The following TARBP1 variants were observed in gnomAD, a reference collection of about 807,000 sequenced individuals.
TARBP1 encodes the protein tRNA guanosine 2 -O-methyltransferase TARBP1, also known as tRNA (guanosine(18)-2'-O)-methyltransferase TARBP1.
Under a neutral mutation model 178.6 loss-of-function variants are expected in TARBP1, and 144 were observed. The observed-to-expected ratio is 0.81, with a 90% CI of 0.70 to 0.93. TARBP1 has a LOEUF of 0.93. Among genes scored for constraint, TARBP1 ranks in the 40% least tolerant of loss-of-function variants. TARBP1 has a pLI of 0.00. For synonymous variants in TARBP1, 787 were observed against 781.0 expected, an observed-to-expected ratio of 1.01 and a Z score of -0.13; for missense variants, 2,067 against 2,011.7, an observed-to-expected ratio of 1.03 and a Z score of -0.53.
At chr1:234,459,433 A>G in intron 7 of TARBP1, 107 bp from the exon 8 acceptor site, 1 of 795,642 alleles carries the variant, frequency 1.3e-6, no homozygotes, top group Non-Finnish European at 2.0e-6. Context: ...CTAATGCAGA[A>G]AGTCTGCAGA....
intron 3 of TARBP1, 39 bp from the exon 4 acceptor site, chr1:234,467,689 T>C (rs1668590181): frequency 6.6e-7 from 1 of 1,524,874 alleles, no homozygotes; most frequent in Non-Finnish European, 8.8e-7. Context: ...TCTGATTCTG[T>C]CTTCATTTCA....
chr1:234,413,088 T>A (rs1001921106), intron 22 of TARBP1, among the ~76,000 whole-genome samples: 4 of 152,108 alleles, frequency 2.6e-5, no homozygotes, highest in African/African-American at 9.7e-5. Context: ...GTGGGAGCGA[T>A]GCCTAGCCAC....
In TARBP1 at chr1:234,478,179, C is replaced by T; in HGVS notation, c.925G>A (p.Gly309Arg). 2 of 1,611,842 alleles carry T rather than the reference C, an allele frequency of 1.2e-6. No individual in the cohort carries two copies. The highest frequency in any genetic ancestry group is 1.7e-6 in the Non-Finnish European group (2 of 1,179,494). The change falls in exon 1 of 30, where the codon GGA (glycine) becomes AGA (arginine). Residue 309 changes from glycine to arginine, a missense_variant. Physicochemically the swap from Gly to Arg is moderately radical, Grantham distance 125. Coordinates refer to ENST00000040877, the MANE Select transcript of TARBP1 (RefSeq NM_005646.4). ...GADCTCGPQE[G>R]NGPSLFWWSE... ...GGGGCAAAGAGGCAGGTACCGTTTC[C>T]TTCCTGGGGCCCGCAGGTGCAGTCG...
At chr1:234,446,731 A>C in intron 12 of TARBP1, 72 bp downstream of exon 12, 1 of 1,238,686 alleles carries the variant, frequency 8.1e-7, no homozygotes, top group African/African-American at 1.6e-5. Context: ...AAAAGACGGA[A>C]GTTTCCTCTC....
At chr1:234,474,819 A>C (rs1040177134) in intron 1 of TARBP1, among the ~76,000 whole-genome samples, 7 of 152,198 alleles carry the variant, frequency 4.6e-5, no homozygotes, top group African/African-American at 1.7e-4. Context: ...ACCATAGGAG[A>C]TCGTTATTGT....
intron 22 of TARBP1, 96 bp downstream of exon 22, chr1:234,417,987 TG>T (rs1482224647): frequency 6.7e-6 from 5 of 741,694 alleles, no homozygotes; most frequent in Non-Finnish European, 9.9e-6. Flanking sequence ...ATAGGGCAAC[TG>T]AGAGTCAAAA....
chr1:234,406,019 T>C lies in TARBP1; in HGVS notation c.3873A>G (p.Leu1291=). 1 of 1,614,180 alleles carries C rather than the reference T, an allele frequency of 6.2e-7. No homozygotes were observed. Among genetic ancestry groups the C allele is most frequent in the Non-Finnish European group, 8.5e-7 (1 of 1,180,018 alleles). Reference sequence around the variant, plus strand: ...CAGTCCAGAGTTTCTTAAGAGCAACTAAAGCATACAGTCGAACACTAAAAT... The same window carrying C: ...CAGTCCAGAGTTTCTTAAGAGCAACCAAAGCATACAGTCGAACACTAAAAT... ...NHNFSVRLYA[L]VALKKLWTVC... The change falls in exon 24 of 30, where the codon TTA becomes TTG. Residue 1291 remains leucine (L), a synonymous_variant. Coordinates refer to ENST00000040877, the MANE Select transcript of TARBP1 (RefSeq NM_005646.4).
intron 2 of TARBP1, among the ~76,000 whole-genome samples, chr1:234,472,120 T>A (rs144945016): frequency 6.6e-6 from 1 of 152,098 alleles, no homozygotes; most frequent in Non-Finnish European, 1.5e-5. Flanking sequence ...GTGGATTACT[T>A]GAGGTCAGGA....
chr1:234,403,115 C>T (rs756429743), intron 24 of TARBP1, among the ~76,000 whole-genome samples: 1 of 152,134 alleles, frequency 6.6e-6, no homozygotes, highest in African/African-American at 2.4e-5. Flanking sequence ...AACTGGATGA[C>T]GTCATTCTCA....
At position 234,420,628 on chromosome 1, in the gene TARBP1, T is replaced by C. The variant is rs1021436075; in HGVS notation, c.3555+74A>G. The stretch of plus-strand genomic sequence containing the variant: ...TCTTTTTCAATTTTAAAATAGTATA[T>C]GATAGTTTCTGCAAAATAGTTCAGT... On this transcript the variant is annotated intron_variant, in intron 21 of 29. Transcript: ENST00000040877. 101 of 911,600 alleles carry C rather than the reference T, an allele frequency of 1.1e-4. 2 individuals are homozygous for C. The South Asian group carries it at 1.7e-3, about 15-fold the overall frequency. The allele number at this position is 911,600 out of a possible 1,614,324, so 56.5% of individuals were successfully genotyped here.
chr1:234,477,679 AAT>A (rs1479694506), intron 1 of TARBP1, among the ~76,000 whole-genome samples: 1 of 152,266 alleles, frequency 6.6e-6, no homozygotes, highest in African/African-American at 2.4e-5. Context: ...ATGTTTAACA[AAT>A]ATTAGTAAAT....
intron 1 of TARBP1, among the ~76,000 whole-genome samples, chr1:234,475,128 G>C (rs767109774): frequency 6.6e-6 from 1 of 152,170 alleles, no homozygotes; most frequent in Non-Finnish European, 1.5e-5. Context: ...AGCCTGCCCC[G>C]GTGCTCTCGA....
At chr1:234,423,748 ATTTT>A (rs1228790622) in intron 20 of TARBP1, among the ~76,000 whole-genome samples, 1 of 130,980 alleles carries the variant, frequency 7.6e-6, no homozygotes, top group Non-Finnish European at 1.6e-5. Context: ...TTTTTTCTGA[ATTTT>A]TTTTTTTTTT....
chr1:234,472,319 A>C (rs930191324), intron 2 of TARBP1, among the ~76,000 whole-genome samples: 1 of 116,334 alleles, frequency 8.6e-6, no homozygotes, highest in East Asian at 2.3e-4. Flanking sequence ...AGAGAGCAAG[A>C]CTCTGTCTCC....
At chr1:234,406,376 C>T (rs1396787017) in intron 23 of TARBP1, 1 of 388,092 alleles carries the variant, frequency 2.6e-6, no homozygotes, top group Admixed American at 3.9e-5. Context: ...CCTGAGTTAA[C>T]TTGAAAAAAG....
chr1:234,430,084 T>A lies in TARBP1; in HGVS notation c.2609+3A>T. The A allele has an allele frequency of 6.2e-7, 1 of 1,608,978 alleles. No individual in the cohort carries two copies. The highest frequency in any genetic ancestry group is 8.5e-7 in the Non-Finnish European group (1 of 1,175,824). On this transcript the variant is annotated splice_donor_region_variant and intron_variant, in intron 15 of 29. Coordinates refer to ENST00000040877, the MANE Select transcript of TARBP1 (RefSeq NM_005646.4). Reference sequence around the variant, plus strand: ...GATTTTTAAGCCTTAACCTTCCCTGTACCTGCTGCACTCCAAGGGGTGAGC... The same window carrying A: ...GATTTTTAAGCCTTAACCTTCCCTGAACCTGCTGCACTCCAAGGGGTGAGC...
chr1:234,401,279 T>C lies in TARBP1; in HGVS notation c.3990-17A>G. 2.5e-6 allele frequency: 4 copies of C among 1,596,046 alleles called. No individual in the cohort carries two copies. The highest frequency in any genetic ancestry group is 2.2e-5 in the South Asian group (2 of 89,794). The stretch of plus-strand genomic sequence containing the variant: ...TTGGCATTCCTAAGGATTAAAAATA[T>C]GGTATGAGCCACAGACAAATGAAAC... On this transcript the variant is annotated splice_polypyrimidine_tract_variant and intron_variant, in intron 24 of 29. Transcript: ENST00000040877.
At chr1:234,478,120 C>T in intron 1 of TARBP1, 53 bp downstream of exon 1, 9 of 1,570,834 alleles carry the variant, frequency 5.7e-6, no homozygotes, top group Non-Finnish European at 7.8e-6. Context: ...GAAGACTCCC[C>T]TCTGGGGCAG....
At position 234,455,242 on chromosome 1, in the gene TARBP1, A is replaced by T. The variant is rs576709309; in HGVS notation, c.1722+2425T>A. Among the ~76,000 whole-genome samples the T allele has an allele frequency of 2.6e-5, 4 of 152,326 alleles. No individual in the cohort carries two copies. The East Asian group carries it at 7.7e-4, about 29-fold the overall frequency. On this transcript the variant is annotated intron_variant, in intron 9 of 29. Transcript: ENST00000040877. ...GGTGGTAATTTATTACAGCAACCAT[A>T]GGAAACTATGGAGGGAAACTGGGCA...
Sources: allele counts gnomAD v4.1 joint callset (sites outside exome capture counted in the v4.1 genomes callset), GRCh38; gene constraint gnomAD v4.1.1; transcripts MANE v1.5; gene names NCBI Gene and HGNC (gene_info 2026-07-23, HGNC 2026-07-21).